The following SHOC1 variants were observed in gnomAD, a reference collection of about 807,000 sequenced individuals.
SHOC1 encodes the protein protein shortage in chiasmata 1 ortholog.
SHOC1 carries 136 observed loss-of-function variants against 179.2 expected under a neutral mutation model. That is an observed-to-expected ratio of 0.76 (90% CI 0.66 to 0.87). The LOEUF (loss-of-function observed/expected upper bound fraction) is 0.87, where lower values mean the gene tolerates loss of function less well. SHOC1 is among the 40% of genes least tolerant of loss of function. The pLI is 0.00. For missense variants in SHOC1, 1,538 were observed against 1,700.8 expected, an observed-to-expected ratio of 0.90 and a Z score of 1.68; for synonymous variants, 489 against 586.6, an observed-to-expected ratio of 0.83 and a Z score of 2.41.
chr9:111,784,820 T>A (rs1836204338), intron 3 of SHOC1, among the ~76,000 whole-genome samples: 1 of 152,164 alleles, frequency 6.6e-6, no homozygotes, highest in Non-Finnish European at 1.5e-5. Flanking sequence ...TGGCCTCACA[T>A]GGCAGAAAGG....
chr9:111,778,599 T>C (rs1835915683), intron 4 of SHOC1, among the ~76,000 whole-genome samples: 1 of 151,792 alleles, frequency 6.6e-6, no homozygotes, highest in Admixed American at 6.6e-5. Context: ...TGAAACTCCA[T>C]CTCTACTAAA....
rs1313495196 is a variant in SHOC1 at position 111,783,137 on chromosome 9, T to TA, written c.170-2121dup. On this transcript the variant is annotated intron_variant, in intron 3 of 27. Coordinates refer to ENST00000682961, the MANE Select transcript of SHOC1 (RefSeq NM_001378211.1). ...TCATGTATTTTTTAAAAATCACACA[T>TA]AAAAAACAAAAAAGAATAACTCTTT... is the stretch of plus-strand genomic sequence containing the variant. Among the ~76,000 whole-genome samples, 10 of 152,168 alleles carry TA rather than the reference T, an allele frequency of 6.6e-5. No individual in the cohort carries two copies. In the South Asian group the frequency reaches 1.2e-3, roughly 19 times the overall value.
intron 5 of SHOC1, among the ~76,000 whole-genome samples, chr9:111,771,840 C>T (rs1422412701): frequency 6.6e-6 from 1 of 152,042 alleles, no homozygotes; most frequent in East Asian, 1.9e-4. Context: ...CTTTTGAGAT[C>T]CTCTCTTTGT....
At chr9:111,718,825 A>G (rs1832914424) in intron 15 of SHOC1, among the ~76,000 whole-genome samples, 1 of 152,146 alleles carries the variant, frequency 6.6e-6, no homozygotes. Flanking sequence ...CTTATTGCCT[A>G]ATTGTGTTCC....
At position 111,727,758 on chromosome 9, in the gene SHOC1, G is replaced by T. The variant is rs1833367268; in HGVS notation, c.1709C>A (p.Ala570Glu). 6.2e-7 allele frequency: 1 copy of T among 1,613,398 alleles called. No homozygotes were observed. Among genetic ancestry groups the T allele is most frequent in the Non-Finnish European group, 8.5e-7 (1 of 1,179,642 alleles). ...KSPSSSIIKK[A>E]SFEHGKKQEN... Reference sequence around the variant, plus strand: ...TTGTTTTTTGCCATGTTCAAAAGATGCTTTTTTAATTATTGAAGAGGAAGG... The same window carrying T: ...TTGTTTTTTGCCATGTTCAAAAGATTCTTTTTTAATTATTGAAGAGGAAGG... Residue 570 changes from alanine to glutamate, a missense_variant, in exon 13 of 28, where the codon GCA becomes GAA. Coordinates refer to ENST00000682961, the MANE Select transcript of SHOC1 (RefSeq NM_001378211.1).
intron 8 of SHOC1, among the ~76,000 whole-genome samples, chr9:111,749,655 C>T (rs1834474051): frequency 6.6e-6 from 1 of 152,126 alleles, no homozygotes; most frequent in African/African-American, 2.4e-5. Flanking sequence ...AGCTATTCTT[C>T]CTGATGCTCT....
At chr9:111,781,589 A>G (rs1170941215) in intron 3 of SHOC1, among the ~76,000 whole-genome samples, 3 of 151,726 alleles carry the variant, frequency 2.0e-5, no homozygotes, top group Non-Finnish European at 1.5e-5. Flanking sequence ...CGGGCATGGT[A>G]GTGCATGCCT....
intron 1 of SHOC1, among the ~76,000 whole-genome samples, chr9:111,792,564 T>C (rs1484378596): frequency 2.6e-5 from 4 of 152,034 alleles, no homozygotes; most frequent in Non-Finnish European, 4.4e-5. Context: ...ATCACACCAC[T>C]GCACTCCAAA....
chr9:111,767,849 GTCC>G (rs1835415748), intron 5 of SHOC1, among the ~76,000 whole-genome samples: 1 of 151,888 alleles, frequency 6.6e-6, no homozygotes, highest in Admixed American at 6.6e-5. Flanking sequence ...CTTTTTGTAT[GTCC>G]TCCTCAATTT....
rs1159769063 is a variant in SHOC1, at chr9:111,718,261, A to G, written c.2159T>C (p.Phe720Ser). 1.9e-6 allele frequency: 3 copies of G among 1,596,502 alleles called. No homozygotes were observed. The highest frequency in any genetic ancestry group is 2.6e-6 in the Non-Finnish European group (3 of 1,174,236). The change falls in exon 16 of 28, where the codon TTC becomes TCC. Residue 720 changes from phenylalanine to serine, a missense_variant. Phe to Ser is a radical substitution (Grantham distance 155). Transcript: ENST00000682961. ...QGTIDEREMT[F>S]KHAALLHLLV... ...AAGATGTAAGAGAGCGGCATGCTTG[A>G]AAGTCATTTCTCTTTCATCAATTGT... is the stretch of plus-strand genomic sequence containing the variant.
At chr9:111,707,285 C>T (rs1832320977) in intron 19 of SHOC1, among the ~76,000 whole-genome samples, 1 of 151,960 alleles carries the variant, frequency 6.6e-6, no homozygotes, top group Non-Finnish European at 1.5e-5. Context: ...AATTAAAATT[C>T]TCTATTGCTG....
chr9:111,785,912 C>T lies in SHOC1; in HGVS notation c.169G>A (p.Val57Ile), dbSNP rs1267023460. The change falls in exon 3 of 28, where the codon GTC (valine) becomes ATC (isoleucine). Residue 57 changes from valine (V) to isoleucine (I), a missense_variant and splice_region_variant. By Grantham distance (29) the Val-to-Ile change is conservative. Coordinates refer to ENST00000682961, the MANE Select transcript of SHOC1 (RefSeq NM_001378211.1). ...TTTTAAGAAATGAAAACAAACATAC[C>T]TCTCGTCCATGGCCTCCTAAATTTA... ...DNKFRRPWTR[V>I]SAVSVPGMTD... 4 of 1,462,250 alleles carry T rather than the reference C, an allele frequency of 2.7e-6. No homozygotes were observed. The highest frequency in any genetic ancestry group is 3.0e-5 in the Admixed American group (1 of 33,886). The allele number at this position is 1,462,250 out of a possible 1,614,324, so 90.6% of individuals were successfully genotyped here. A position where few individuals can be genotyped will look rare whatever the true frequency, so the allele number is the denominator to read the frequency against.
chr9:111,706,608 G>C lies in SHOC1; in HGVS notation c.2697C>G (p.Tyr899Ter). 1 of 1,596,944 alleles carries C rather than the reference G, an allele frequency of 6.3e-7. No homozygotes were observed. The highest frequency in any genetic ancestry group is 8.5e-7 in the Non-Finnish European group (1 of 1,171,602). ...TKHCKELNIP[Y>*]MAFKVILPDT... ...CTGGAAGAATCACTTTAAAGGCCAT[G>C]TAAGGAATATTCAACTCTTTGCAGT... Residue 899 changes from tyrosine (Y) to a stop codon, truncating the protein, a stop_gained, in exon 20 of 28, where the codon TAC becomes TAG. Coordinates refer to ENST00000682961, the MANE Select transcript of SHOC1 (RefSeq NM_001378211.1). LOFTEE classifies it high-confidence loss of function.
intron 15 of SHOC1, 33 bp downstream of exon 15, chr9:111,722,376 T>G: frequency 6.5e-7 from 1 of 1,549,306 alleles, no homozygotes; most frequent in Non-Finnish European, 8.7e-7. Context: ...TAAGCATATC[T>G]TTTTAAATAA....
In SHOC1 at chr9:111,775,923, C is replaced by A. The variant is rs140472968; in HGVS notation, c.310G>T (p.Val104Phe). 189 of 1,613,548 alleles carry A rather than the reference C, an allele frequency of 1.2e-4. No homozygotes were observed. The African/African-American group carries it at 2.1e-3, about 18-fold the overall frequency. ...TQINCEFEEV[V>F]PSSNPDSQIE... ...TGGGAGTCTGGATTTGAACTTGGAA[C>A]AACTTCCTCAAATTCACAATTAATC... is the stretch of plus-strand genomic sequence containing the variant. The change falls in exon 5 of 28, where the codon GTT (valine) becomes TTT (phenylalanine). Residue 104 changes from valine to phenylalanine, a missense_variant. Transcript: ENST00000682961.
At chr9:111,715,387 T>G (rs955920796) in intron 16 of SHOC1, among the ~76,000 whole-genome samples, 2 of 152,242 alleles carry the variant, frequency 1.3e-5, no homozygotes, top group African/African-American at 4.8e-5. Context: ...GTTTTATGTA[T>G]GTGTGCATAT....
intron 4 of SHOC1, among the ~76,000 whole-genome samples, chr9:111,777,214 T>A (rs1355073950): frequency 6.6e-6 from 1 of 152,154 alleles, no homozygotes; most frequent in Non-Finnish European, 1.5e-5. Context: ...TTTACAATAG[T>A]GATGTTATCC....
chr9:111,722,355 A>T, intron 15 of SHOC1, 54 bp downstream of exon 15: 1 of 1,478,632 alleles, frequency 6.8e-7, no homozygotes, highest in Non-Finnish European at 9.1e-7. Context: ...CTAATTTGAT[A>T]CAATAATTTC....
intron 11 of SHOC1, among the ~76,000 whole-genome samples, chr9:111,739,075 C>T (rs1183415197): frequency 6.6e-6 from 1 of 151,860 alleles, no homozygotes; most frequent in Non-Finnish European, 1.5e-5. Context: ...AAACATCAAC[C>T]TGAAATTAGG....
Sources: allele counts gnomAD v4.1 joint callset (sites outside exome capture counted in the v4.1 genomes callset), GRCh38; gene constraint gnomAD v4.1.1; transcripts MANE v1.5; gene names NCBI Gene and HGNC (gene_info 2026-07-23, HGNC 2026-07-21).